Variants in USP8 observed in about 807,000 individuals in gnomAD.
USP8 encodes the protein ubiquitin carboxyl-terminal hydrolase 8.
A neutral mutation model predicts 130.0 loss-of-function variants in USP8; 27 were observed. That is an observed-to-expected ratio of 0.21 (90% CI 0.15 to 0.29). The LOEUF (loss-of-function observed/expected upper bound fraction) is 0.29, where lower values mean the gene tolerates loss of function less well. Among genes scored for constraint, USP8 ranks in the 10% least tolerant of loss-of-function variants. The pLI is 1.00. For missense variants in USP8, 1,029 were observed against 1,312.2 expected (o/e 0.78, Z 3.33); for synonymous variants, 392 against 444.1 (o/e 0.88, Z 1.48).
intron 3 of USP8, among the ~76,000 whole-genome samples, chr15:50,446,727 A>C (rs2050453328): frequency 6.6e-6 from 1 of 152,238 alleles, no homozygotes; most frequent in Non-Finnish European, 1.5e-5. Flanking sequence ...CAAACAAAGC[A>C]TGATCTACTT....
intron 7 of USP8, 81 bp downstream of exon 7, chr15:50,465,272 C>A (rs1326994110): frequency 7.0e-7 from 1 of 1,438,100 alleles, no homozygotes; most frequent in Non-Finnish European, 9.3e-7. Context: ...TACTTAGCAT[C>A]CAAGCTAAAT....
intron 1 of USP8, among the ~76,000 whole-genome samples, chr15:50,438,776 C>G (rs547835179): frequency 3.9e-5 from 6 of 152,104 alleles, no homozygotes. Flanking sequence ...ATTCCCAACT[C>G]TTAAGGCAAA....
chr15:50,495,217 C>T (rs2052331295), intron 16 of USP8, among the ~76,000 whole-genome samples: 1 of 139,134 alleles, frequency 7.2e-6, no homozygotes, highest in African/African-American at 2.5e-5. Context: ...CACACACCTA[C>T]ACAAAAATAT....
In USP8 at chr15:50,505,662, A is replaced by T. The variant is rs1469868884; in HGVS notation, c.*6574A>T. On this transcript the variant is annotated 3_prime_UTR_variant, in exon 20 of 20. Transcript: ENST00000307179. The stretch of plus-strand genomic sequence containing the variant: ...ATAATGTCTCCTTTGGAGGCATATT[A>T]AAAAATTAAAAACCGGCTGGGCATG... The T allele has an allele frequency of 6.6e-6, 1 of 152,284 alleles. No homozygotes were observed. The highest frequency in any genetic ancestry group is 1.9e-4 in the East Asian group (1 of 5,200). The allele number at this position is 152,284 out of a possible 1,614,324, so 9.4% of individuals were successfully genotyped here.
intron 8 of USP8, among the ~76,000 whole-genome samples, chr15:50,475,916 A>G (rs1465378412): frequency 2.6e-5 from 4 of 152,068 alleles, no homozygotes; most frequent in Non-Finnish European, 5.9e-5. Context: ...ATATTTATAT[A>G]TATTTTTAAG....
rs140779950 is a variant in USP8, at chr15:50,436,384, C to G, written c.-65-2625C>G. Among the ~76,000 whole-genome samples, 590 of 152,204 alleles carry G rather than the reference C, an allele frequency of 3.9e-3. 3 individuals carry two copies. Among genetic ancestry groups the G allele is most frequent in the African/African-American group, 0.013 (560 of 41,520 alleles). Reference sequence around the variant, plus strand: ...TCCTTCTAGTCATACTTAATCTTCTCTCTTAATTTTTCTTATACTGTAATA... The same window carrying G: ...TCCTTCTAGTCATACTTAATCTTCTGTCTTAATTTTTCTTATACTGTAATA... On this transcript the variant is annotated intron_variant, in intron 1 of 19. Coordinates refer to ENST00000307179, the MANE Select transcript of USP8 (RefSeq NM_005154.5).
In USP8 at chr15:50,499,048, A is replaced by T; in HGVS notation, c.3317A>T (p.Tyr1106Phe). 1 of 1,613,338 alleles carries T rather than the reference A, an allele frequency of 6.2e-7. No individual in the cohort carries two copies. Among genetic ancestry groups the T allele is most frequent in the Non-Finnish European group, 8.5e-7 (1 of 1,179,612 alleles). ...VKSSAAYILF[Y>F]TSLGPRVTDV... ...TCTTCAGCAGCTTATATCCTCTTTT[A>T]TACTTCATTGGGACCACGAGTAACT... The change falls in exon 20 of 20, where the codon TAT (tyrosine) becomes TTT (phenylalanine). Residue 1106 changes from tyrosine to phenylalanine, a missense_variant. Tyr to Phe is a conservative substitution (Grantham distance 22, BLOSUM62 3). Transcript: ENST00000307179.
rs2052625923 is a variant in USP8, at chr15:50,504,079, A to C, written c.*4991A>C. ...CTTCAGAATCAACTAATGTGATGGGAAAGATTTGAAAAAATAATACAACAA... is the reference window on the plus strand; with the variant it reads ...CTTCAGAATCAACTAATGTGATGGGCAAGATTTGAAAAAATAATACAACAA... On this transcript the variant is annotated 3_prime_UTR_variant, in exon 20 of 20. Coordinates refer to ENST00000307179, the MANE Select transcript of USP8 (RefSeq NM_005154.5). 1 of 152,196 alleles carries C rather than the reference A, an allele frequency of 6.6e-6. No individual in the cohort carries two copies. The highest frequency in any genetic ancestry group is 1.5e-5 in the Non-Finnish European group (1 of 68,044). The allele number at this position is 152,196 out of a possible 1,614,324, so 9.4% of individuals were successfully genotyped here.
intron 1 of USP8, among the ~76,000 whole-genome samples, chr15:50,433,728 C>T (rs1387671371): frequency 1.3e-5 from 2 of 152,180 alleles, no homozygotes; most frequent in Admixed American, 6.5e-5. Context: ...GCCTCAGCCT[C>T]CTGAGTAGCT....
chr15:50,496,191 T>G, intron 17 of USP8, 107 bp downstream of exon 17: 1 of 974,350 alleles, frequency 1.0e-6, no homozygotes, highest in South Asian at 1.7e-5. Flanking sequence ...ATTTTATCAG[T>G]AAAACTCGGC....
At chr15:50,492,579 A>G (rs2052217039) in intron 14 of USP8, 122 bp from the exon 15 acceptor site, 10 of 922,040 alleles carry the variant, frequency 1.1e-5, no homozygotes, top group South Asian at 5.1e-5. Context: ...ATGAGTTAAC[A>G]TATTAACTGT....
intron 4 of USP8, 67 bp downstream of exon 4, chr15:50,449,552 C>T: frequency 8.5e-7 from 1 of 1,172,108 alleles, no homozygotes; most frequent in Non-Finnish European, 1.2e-6. Flanking sequence ...TTAAGATTTA[C>T]CGATTTATAT....
chr15:50,430,967 A>G (rs1010047656), intron 1 of USP8, among the ~76,000 whole-genome samples: 1 of 152,196 alleles, frequency 6.6e-6, no homozygotes, highest in African/African-American at 2.4e-5. Flanking sequence ...AGTAGAGGTT[A>G]GGGATGCTGC....
At chr15:50,493,201 G>C (rs1019031952) in intron 15 of USP8, 3 of 520,482 alleles carry the variant, frequency 5.8e-6, no homozygotes, top group African/African-American at 5.7e-5. Context: ...GTTCACCCGG[G>C]AGGGGAGCCC....
At chr15:50,481,132 A>C (rs983517225) in intron 10 of USP8, among the ~76,000 whole-genome samples, 6 of 152,250 alleles carry the variant, frequency 3.9e-5, no homozygotes, top group South Asian at 2.1e-4. Flanking sequence ...CTCAAATGGA[A>C]ATATTGGGTA....
chr15:50,501,295 T>A lies in USP8; in HGVS notation c.*2207T>A. 1 of 134,726 alleles carries A rather than the reference T, an allele frequency of 7.4e-6. No homozygotes were observed. The highest frequency in any genetic ancestry group is 2.1e-4 in the East Asian group (1 of 4,678). 8.3% of individuals were successfully genotyped at this position (134,726 alleles called of 1,614,324 possible). On this transcript the variant is annotated 3_prime_UTR_variant, in exon 20 of 20. Transcript: ENST00000307179. ...GGCAAAATAGCGAGACTCCATATCT[T>A]TTAAAGGAAAAAAAAAAAAAAAAAA... is the stretch of plus-strand genomic sequence containing the variant.
At chr15:50,487,794 A>AACTT (rs1386280054) in intron 12 of USP8, among the ~76,000 whole-genome samples, 1 of 152,192 alleles carries the variant, frequency 6.6e-6, no homozygotes, top group Non-Finnish European at 1.5e-5. Context: ...GGCTCAATAA[A>AACTT]ACTTACTGTA....
At chr15:50,441,634 C>G (rs1045458709) in intron 3 of USP8, 141 bp downstream of exon 3, 5 of 659,612 alleles carry the variant, frequency 7.6e-6, no homozygotes, top group Non-Finnish European at 1.2e-5. Context: ...AAAAAGGGAA[C>G]TAAAGATACA....
chr15:50,473,410 A>G (rs2051446945), intron 8 of USP8, among the ~76,000 whole-genome samples: 1 of 152,226 alleles, frequency 6.6e-6, no homozygotes, highest in Non-Finnish European at 1.5e-5. Flanking sequence ...TTTGGAGAAT[A>G]GTGACAAGAA....
Sources: gnomAD v4.1 joint callset for allele counts (sites outside exome capture counted in the v4.1 genomes callset) on GRCh38, gnomAD v4.1.1 for gene constraint, MANE v1.5 for transcripts, NCBI Gene and HGNC (gene_info 2026-07-23, HGNC 2026-07-21) for gene names.